The following ATP5MG variants were observed in gnomAD, a reference collection of about 807,000 sequenced individuals.
ATP5MG encodes ATP synthase membrane subunit g.
A neutral mutation model predicts 12.7 loss-of-function variants in ATP5MG; 7 were observed. The observed-to-expected ratio is 0.55, with a 90% CI of 0.31 to 1.04. The LOEUF is 1.04. Among genes scored for constraint, ATP5MG ranks in the 50% least tolerant of loss-of-function variants. ATP5MG has a pLI of 0.05. For synonymous variants in ATP5MG, 53 were observed against 48.2 expected (o/e 1.10, Z -0.41); for missense variants, 116 against 126.7 (o/e 0.92, Z 0.41).
At chr11:118,402,212 G>A (rs1397459877) in intron 1 of ATP5MG, among the ~76,000 whole-genome samples, 22 of 152,156 alleles carry the variant, frequency 1.4e-4, no homozygotes, top group Admixed American at 1.4e-3. Flanking sequence ...TTCTGTCCTA[G>A]ACGGATTCTA....
At chr11:118,402,765 T>C (rs943071989) in intron 1 of ATP5MG, among the ~76,000 whole-genome samples, 1 of 148,338 alleles carries the variant, frequency 6.7e-6, no homozygotes, top group Non-Finnish European at 1.5e-5. Context: ...GCAGTGCAGA[T>C]CACAGCTCAC....
At chr11:118,404,725 G>A (rs1591316892) in intron 1 of ATP5MG, among the ~76,000 whole-genome samples, 3 of 152,218 alleles carry the variant, frequency 2.0e-5, no homozygotes, top group African/African-American at 2.4e-5. Flanking sequence ...TTTTCTCTCC[G>A]TGTTCTATTC....
intron 1 of ATP5MG, chr11:118,401,926 C>G: frequency 1.8e-6 from 1 of 569,378 alleles, no homozygotes; most frequent in Non-Finnish European, 3.1e-6. Flanking sequence ...TCTACACAAC[C>G]TAGAAGTTCC....
chr11:118,406,746 T>C lies in ATP5MG; in HGVS notation c.53-191T>C, dbSNP rs934406865. On this transcript the variant is annotated intron_variant, in intron 1 of 2. Transcript: ENST00000300688. Reference sequence around the variant, plus strand: ...TGATTGAACATCCCTGTGGCACAGGTGTTCTGCATCTTTAAAAGCCTCTTG... The same window carrying C: ...TGATTGAACATCCCTGTGGCACAGGCGTTCTGCATCTTTAAAAGCCTCTTG... The C allele has an allele frequency of 1.4e-5, 10 of 739,112 alleles. No homozygotes were observed. In the African/African-American group the frequency reaches 1.6e-4, roughly 12 times the overall value. The allele number at this position is 739,112 out of a possible 1,614,324, so 45.8% of individuals were successfully genotyped here.
chr11:118,405,556 A>AT (rs563946825), intron 1 of ATP5MG: 17,591 of 596,422 alleles, frequency 0.029, 1 homozygote, highest in Non-Finnish European at 0.034. Context: ...ATACTGATTC[A>AT]TTTTTTTTTT....
chr11:118,407,149 T>C, intron 2 of ATP5MG, 52 bp downstream of exon 2: 1 of 1,606,026 alleles, frequency 6.2e-7, no homozygotes, highest in African/African-American at 1.3e-5. Context: ...ATGTCTTCCC[T>C]TGGGATTTTT....
chr11:118,406,849 A>T, intron 1 of ATP5MG, 88 bp from the exon 2 acceptor site: 2 of 1,514,826 alleles, frequency 1.3e-6, no homozygotes, highest in South Asian at 2.5e-5. Context: ...TGCATGAATA[A>T]ATATTTGTGT....
At chr11:118,404,253 G>C (rs973842217) in intron 1 of ATP5MG, among the ~76,000 whole-genome samples, 2 of 152,136 alleles carry the variant, frequency 1.3e-5, no homozygotes, top group Non-Finnish European at 1.5e-5. Flanking sequence ...TTATCATCAG[G>C]TTTGCCTAGG....
At chr11:118,402,179 C>CTTTT (rs1948933584) in intron 1 of ATP5MG, among the ~76,000 whole-genome samples, 1 of 152,072 alleles carries the variant, frequency 6.6e-6, no homozygotes, top group African/African-American at 2.4e-5. Flanking sequence ...GATGGGTGAG[C>CTTTT]TTTTTTGAAC....
In ATP5MG at chr11:118,401,704, G is replaced by A. The variant is rs1307618450; in HGVS notation, c.39G>A (p.Pro13=). 6.2e-7 allele frequency: 1 copy of A among 1,613,512 alleles called. No homozygotes were observed. Among genetic ancestry groups the A allele is most frequent in the Non-Finnish European group, 8.5e-7 (1 of 1,179,632 alleles). Residue 13 remains proline, a synonymous_variant, in exon 1 of 3, where the codon CCG becomes CCA. Coordinates refer to ENST00000300688, the MANE Select transcript of ATP5MG (RefSeq NM_006476.5). ...TCCGTAACCTTGTGGAGAAGACCCC[G>A]GCGCTGGTGAACGGTGAGCGCGATG... is the stretch of plus-strand genomic sequence containing the variant. ...QFVRNLVEKT[P]ALVNAAVTYS... is the part of the protein sequence containing the mutation.
chr11:118,407,388 A>T (rs1555132300), intron 2 of ATP5MG: 6 of 287,754 alleles, frequency 2.1e-5, no homozygotes, highest in African/African-American at 1.1e-4. Context: ...AGTATACTAA[A>T]ATATGATGGC....
chr11:118,406,322 A>G (rs1948971336), intron 1 of ATP5MG: 2 of 153,102 alleles, frequency 1.3e-5, no homozygotes, highest in African/African-American at 2.4e-5. Flanking sequence ...CTTCTTAACT[A>G]TACATGTAGA....
At chr11:118,408,907 A>C (rs1158659168) in intron 2 of ATP5MG, 93 bp from the exon 3 acceptor site, 2 of 375,164 alleles carry the variant, frequency 5.3e-6, no homozygotes, top group Non-Finnish European at 8.1e-6. Context: ...TTGTCTCCTT[A>C]ATTCTGGAAA....
chr11:118,401,798 G>A (rs545581978), intron 1 of ATP5MG, 81 bp downstream of exon 1: 1 of 1,530,994 alleles, frequency 6.5e-7, no homozygotes, highest in African/African-American at 1.4e-5. Context: ...GAAGCGGGCT[G>A]CGAAGACCCG....
intron 1 of ATP5MG, among the ~76,000 whole-genome samples, chr11:118,403,137 G>A (rs1162920455): frequency 2.6e-5 from 4 of 152,196 alleles, no homozygotes; most frequent in African/African-American, 9.7e-5. Context: ...AAGCTTGCAA[G>A]AAAATCTTTT....
At chr11:118,402,534 A>C (rs1210364464) in intron 1 of ATP5MG, among the ~76,000 whole-genome samples, 5 of 152,048 alleles carry the variant, frequency 3.3e-5, no homozygotes, top group African/African-American at 7.2e-5. Context: ...AGTTTTTCCT[A>C]GATGTGCTGT....
chr11:118,402,603 G>A (rs1948937447), intron 1 of ATP5MG, among the ~76,000 whole-genome samples: 1 of 151,736 alleles, frequency 6.6e-6, no homozygotes, highest in Non-Finnish European at 1.5e-5. Context: ...TATGAAATGT[G>A]AATAGAAAGC....
chr11:118,406,851 T>A, intron 1 of ATP5MG, 86 bp from the exon 2 acceptor site: 1 of 1,515,734 alleles, frequency 6.6e-7, no homozygotes, highest in Non-Finnish European at 8.8e-7. Context: ...CATGAATAAA[T>A]ATTTGTGTCC....
At chr11:118,407,153 G>A in intron 2 of ATP5MG, 56 bp downstream of exon 2, 1 of 1,601,602 alleles carries the variant, frequency 6.2e-7, no homozygotes, top group Non-Finnish European at 8.5e-7. Flanking sequence ...CTTCCCTTGG[G>A]ATTTTTCTGA....
Sources: allele counts gnomAD v4.1 joint callset (sites outside exome capture counted in the v4.1 genomes callset), GRCh38; gene constraint gnomAD v4.1.1; transcripts MANE v1.5; gene names NCBI Gene and HGNC (gene_info 2026-07-23, HGNC 2026-07-21).